PARD3: variants seen among roughly 807,000 people sequenced by gnomAD.
The protein encoded by PARD3 is par-3 family cell polarity regulator.
A neutral mutation model predicts 155.4 loss-of-function variants in PARD3; 75 were observed. That is an observed-to-expected ratio of 0.48 (90% CI 0.40 to 0.58). PARD3 has a LOEUF of 0.58. PARD3 is among the 20% of genes least tolerant of loss of function. The probability of loss-of-function intolerance (pLI) is 0.00; values close to 1 mark genes in which losing one functional copy is unlikely to be tolerated. For synonymous variants in PARD3, 576 were observed against 610.5 expected (o/e 0.94, Z 0.83); for missense variants, 1,642 against 1,721.7 (o/e 0.95, Z 0.82).
chr10:34,797,367 G>A (rs1373968371), intron 1 of PARD3, among the ~76,000 whole-genome samples: 3 of 152,158 alleles, frequency 2.0e-5, no homozygotes, highest in African/African-American at 7.2e-5. Flanking sequence ...TGCCCAGGCT[G>A]GTCTCAACTC....
intron 22 of PARD3, among the ~76,000 whole-genome samples, chr10:34,193,468 T>C (rs1398087727): frequency 6.6e-6 from 1 of 152,158 alleles, no homozygotes; most frequent in Non-Finnish European, 1.5e-5. Context: ...TGCAAGTTAA[T>C]AACAATGATG....
intron 3 of PARD3, among the ~76,000 whole-genome samples, chr10:34,481,960 TA>T (rs1344100602): frequency 6.6e-6 from 1 of 150,874 alleles, no homozygotes; most frequent in Non-Finnish European, 1.5e-5. Flanking sequence ...GCCTCCTATG[TA>T]GCTGGGACCA....
chr10:34,448,883 A>C (rs2132762113), intron 5 of PARD3, among the ~76,000 whole-genome samples: 1 of 152,190 alleles, frequency 6.6e-6, no homozygotes, highest in African/African-American at 2.4e-5. Context: ...ACATACACAC[A>C]AAATTATATC....
intron 22 of PARD3, among the ~76,000 whole-genome samples, chr10:34,240,353 A>G (rs1243641095): frequency 2.0e-5 from 3 of 152,222 alleles, no homozygotes; most frequent in Non-Finnish European, 2.9e-5. Flanking sequence ...GTCTAAGCAT[A>G]TACTCTAAAA....
intron 24 of PARD3, among the ~76,000 whole-genome samples, chr10:34,118,047 A>T (rs558400521): frequency 2.0e-4 from 31 of 152,240 alleles, no homozygotes; most frequent in African/African-American, 7.5e-4. Flanking sequence ...ACTTACTCTG[A>T]GCTGTTTCCT....
chr10:34,331,588 TAA>T (rs997917003), intron 18 of PARD3, among the ~76,000 whole-genome samples: 1 of 152,072 alleles, frequency 6.6e-6, no homozygotes, highest in African/African-American at 2.4e-5. Context: ...CATTACTTTT[TAA>T]AAAAAATTTC....
At chr10:34,221,813 G>A (rs908787240) in intron 22 of PARD3, among the ~76,000 whole-genome samples, 4 of 152,122 alleles carry the variant, frequency 2.6e-5, no homozygotes, top group African/African-American at 7.2e-5. Context: ...GATACAAACC[G>A]CTGAGTTAGT....
At chr10:34,387,924 C>CCTAA (rs1295319151) in intron 7 of PARD3, among the ~76,000 whole-genome samples, 9 of 152,048 alleles carry the variant, frequency 5.9e-5, no homozygotes, top group Non-Finnish European at 1.3e-4. Flanking sequence ...CATTAGCAAT[C>CCTAA]CTAACATACA....
chr10:34,506,295 G>C (rs897032546), intron 3 of PARD3, among the ~76,000 whole-genome samples: 2 of 152,114 alleles, frequency 1.3e-5, no homozygotes, highest in African/African-American at 4.8e-5. Context: ...TGAATTTGGA[G>C]ACCTGGGCTT....
chr10:34,237,875 C>T (rs1953337340), intron 22 of PARD3, among the ~76,000 whole-genome samples: 1 of 152,094 alleles, frequency 6.6e-6, no homozygotes, highest in Non-Finnish European at 1.5e-5. Flanking sequence ...AATGGTGTTT[C>T]ATCAGGCCAA....
chr10:34,791,733 G>C (rs7074701), intron 1 of PARD3, among the ~76,000 whole-genome samples: 52,115 of 151,582 alleles, frequency 0.34, 11,160 homozygotes, highest in Non-Finnish European at 0.48. Context: ...CTAGCACTTC[G>C]AGTGGCAGAA....
At chr10:34,198,379 G>A (rs1345843166) in intron 22 of PARD3, among the ~76,000 whole-genome samples, 1 of 151,792 alleles carries the variant, frequency 6.6e-6, no homozygotes, top group Non-Finnish European at 1.5e-5. Context: ...ATTTCACTAA[G>A]TTCCAACCTG....
At chr10:34,657,275 T>C (rs1049277745) in intron 2 of PARD3, among the ~76,000 whole-genome samples, 8 of 152,104 alleles carry the variant, frequency 5.3e-5, no homozygotes, top group Non-Finnish European at 1.0e-4. Flanking sequence ...ACATGCACAC[T>C]TTCAAACATT....
intron 24 of PARD3, among the ~76,000 whole-genome samples, chr10:34,116,716 A>C (rs974344989): frequency 6.6e-6 from 1 of 152,224 alleles, no homozygotes; most frequent in Non-Finnish European, 1.5e-5. Flanking sequence ...ATAACTCTTT[A>C]ATTTGAGGAT....
At chr10:34,633,429 TG>T (rs2092351209) in intron 2 of PARD3, among the ~76,000 whole-genome samples, 1 of 152,058 alleles carries the variant, frequency 6.6e-6, no homozygotes, top group Non-Finnish European at 1.5e-5. Flanking sequence ...TGCGTATCCG[TG>T]AAAACAGGCA....
At chr10:34,811,917 C>A (rs988810825) in intron 1 of PARD3, among the ~76,000 whole-genome samples, 1 of 152,172 alleles carries the variant, frequency 6.6e-6, no homozygotes, top group Non-Finnish European at 1.5e-5. Flanking sequence ...TGTCTAGCAC[C>A]GCACTGTCCT....
chr10:34,356,071 T>G (rs1838842385), intron 14 of PARD3, among the ~76,000 whole-genome samples: 1 of 150,188 alleles, frequency 6.7e-6, no homozygotes, highest in East Asian at 2.0e-4. Flanking sequence ...AGCAGAAAAC[T>G]AGAGAGAGTA....
At chr10:34,374,373 T>C (rs1195034025) in intron 11 of PARD3, among the ~76,000 whole-genome samples, 1 of 152,234 alleles carries the variant, frequency 6.6e-6, no homozygotes, top group Non-Finnish European at 1.5e-5. Context: ...GCCATGAGGC[T>C]TATTGCCACT....
At chr10:34,783,679 T>C (rs1840564397) in intron 1 of PARD3, among the ~76,000 whole-genome samples, 2 of 150,796 alleles carry the variant, frequency 1.3e-5, no homozygotes, top group South Asian at 4.2e-4. Flanking sequence ...GATTATACAG[T>C]TTTGTCACAA....
Sources: allele counts gnomAD v4.1 joint callset (sites outside exome capture counted in the v4.1 genomes callset), GRCh38; gene constraint gnomAD v4.1.1; transcripts MANE v1.5; gene names NCBI Gene and HGNC (gene_info 2026-07-23, HGNC 2026-07-21).